The following PGAP2 variants were observed in gnomAD, a reference collection of about 807,000 sequenced individuals.
The protein encoded by PGAP2 is acyltransferase PGAP2.
PGAP2 carries 21 observed loss-of-function variants against 33.2 expected under a neutral mutation model. The ratio of observed to expected loss-of-function variants is 0.63; its 90% CI spans 0.45 to 0.91. The LOEUF (loss-of-function observed/expected upper bound fraction) is 0.91. Among genes scored for constraint, PGAP2 ranks in the 40% least tolerant of loss-of-function variants. The pLI is 0.00. For synonymous variants in PGAP2, 161 were observed against 172.9 expected (o/e 0.93, Z 0.54); for missense variants, 345 against 424.0 (o/e 0.81, Z 1.64).
intron 1 of PGAP2, among the ~76,000 whole-genome samples, chr11:3,801,425 A>G (rs12576671): frequency 0.66 from 98,432 of 148,428 alleles, 33,400 homozygotes; most frequent in East Asian, 0.81. Flanking sequence ...GGCGGATCAC[A>G]AGGTCAGGAG....
intron 3 of PGAP2, among the ~76,000 whole-genome samples, chr11:3,823,332 A>G (rs370717268): frequency 6.6e-6 from 1 of 151,964 alleles, no homozygotes; most frequent in East Asian, 1.9e-4. Context: ...CATCGTGCCC[A>G]GCCCACCCAC....
chr11:3,801,669 G>C (rs1041454682), intron 1 of PGAP2, among the ~76,000 whole-genome samples: 30 of 113,656 alleles, frequency 2.6e-4, no homozygotes, highest in African/African-American at 8.6e-4. Flanking sequence ...AAGTTTCCGG[G>C]CACGGGGGCT....
chr11:3,805,992 T>C (rs1240269995), upstream of PGAP2, among the ~76,000 whole-genome samples: 2 of 151,952 alleles, frequency 1.3e-5, no homozygotes, highest in African/African-American at 4.8e-5. Flanking sequence ...CGCGAGACCT[T>C]GTTTTAAATA....
intron 3 of PGAP2, among the ~76,000 whole-genome samples, chr11:3,821,751 C>A (rs1367437055): frequency 8.8e-5 from 13 of 147,488 alleles, no homozygotes; most frequent in Admixed American, 7.4e-4. Context: ...CAGCGAGACT[C>A]CATCTCAAAA....
At chr11:3,810,892 T>G (rs923580332) in intron 1 of PGAP2, among the ~76,000 whole-genome samples, 4 of 152,156 alleles carry the variant, frequency 2.6e-5, no homozygotes, top group African/African-American at 9.7e-5. Flanking sequence ...CTGGTAGGTT[T>G]TAGGGTTGGT....
At chr11:3,802,507 G>A (rs1219304763) in intron 1 of PGAP2, among the ~76,000 whole-genome samples, 1 of 152,184 alleles carries the variant, frequency 6.6e-6, no homozygotes, top group Non-Finnish European at 1.5e-5. Context: ...CAAGAGCCCA[G>A]AGATGTCCAC....
At position 3,797,917 on chromosome 11, in the gene PGAP2, T is replaced by G. The variant is rs765592826; in HGVS notation, c.74T>G (p.Leu25Arg). 7.8e-6 allele frequency: 12 copies of G among 1,547,878 alleles called. No homozygotes were observed. The South Asian group carries it at 9.5e-5, about 12-fold the overall frequency. Residue 25 changes from leucine (L) to arginine (R), a missense_variant, in exon 1 of 7, where the codon CTT becomes CGT. Transcript: ENST00000300730. ...CAACATAGAGACTCCGCCCCCTTCC[T>G]TGGAGCGCCGCGACTCGGGCTGAGG...
rs77367457 is a variant in PGAP2 at position 3,825,883 on chromosome 11, G to T, written c.*425G>T. 6.1e-5 allele frequency: 11 copies of T among 179,226 alleles called. No individual in the cohort carries two copies. The East Asian group carries it at 1.5e-3, about 25-fold the overall frequency. The allele number at this position is 179,226 out of a possible 1,614,324, so 11.1% of individuals were successfully genotyped here. On this transcript the variant is annotated 3_prime_UTR_variant, in exon 7 of 7. Transcript: ENST00000278243. ...CATTCATAGGACTAATGTATTTCATGATCTACTGTGCACATCCAGGCCTGT... is the reference window on the plus strand; with the variant it reads ...CATTCATAGGACTAATGTATTTCATTATCTACTGTGCACATCCAGGCCTGT...
At chr11:3,814,798 TTCTTTCTTTCTTTC>T (rs1448623254) in intron 2 of PGAP2, among the ~76,000 whole-genome samples, 5 of 114,456 alleles carry the variant, frequency 4.4e-5, no homozygotes, top group African/African-American at 8.2e-5. Flanking sequence ...CTTTCTTTCT[TTCTTTCTTTCTTTC>T]TCTTTCTTTC....
chr11:3,805,165 C>G (rs540753309), upstream of PGAP2, among the ~76,000 whole-genome samples: 21 of 152,024 alleles, frequency 1.4e-4, 1 homozygote, highest in South Asian at 4.4e-3. Context: ...GCTGACATGT[C>G]TAATCATAAT....
Position 3,817,453 on chromosome 11 carries a change from C to T in PGAP2, c.266C>T (p.Thr89Ile). 1 of 1,614,188 alleles carries T rather than the reference C, an allele frequency of 6.2e-7. No homozygotes were observed. The highest frequency in any genetic ancestry group is 8.5e-7 in the Non-Finnish European group (1 of 1,180,018). The part of the protein sequence containing the change: ...RFTAMVWWAI[T>I]FPVFGFFFCI... ...ACAGCCATGGTCTGGTGGGCCATCA[C>T]TTTTCCTGTGTTCGGCTTCTTCTTC... The change falls in exon 3 of 7, where the codon ACT (threonine) becomes ATT (isoleucine). Residue 89 changes from threonine (T) to isoleucine (I), a missense_variant. Around this residue, in one of 2 missense-constraint regions of PGAP2, gnomAD observed 311 missense variants for 353.6 expected, o/e 0.88. Coordinates refer to ENST00000278243, the MANE Select transcript of PGAP2 (RefSeq NM_014489.4).
chr11:3,798,285 G>T (rs576662757), intron 1 of PGAP2, among the ~76,000 whole-genome samples: 16 of 152,326 alleles, frequency 1.1e-4, no homozygotes, highest in Middle Eastern at 6.8e-3. Context: ...AATGAGGATT[G>T]TTGGAACGTC....
chr11:3,798,062 G>T (rs1191067162), intron 1 of PGAP2: 8 of 1,511,282 alleles, frequency 5.3e-6, no homozygotes, highest in East Asian at 2.6e-5. Context: ...CGCACTTCCC[G>T]CCCAGACCAC....
intron 3 of PGAP2, among the ~76,000 whole-genome samples, chr11:3,820,695 C>T (rs1002236751): frequency 6.6e-6 from 1 of 152,004 alleles, no homozygotes; most frequent in African/African-American, 2.4e-5. Flanking sequence ...CGTGTGGTGG[C>T]ACCTCTAGTC....
At chr11:3,807,175 A>G (rs979549534), upstream of PGAP2, among the ~76,000 whole-genome samples, 13 of 149,418 alleles carry the variant, frequency 8.7e-5, no homozygotes, top group Non-Finnish European at 1.8e-4. Flanking sequence ...GCCTCTACTA[A>G]AAACTACAAA....
chr11:3,801,822 G>A (rs2083493562), intron 1 of PGAP2, among the ~76,000 whole-genome samples: 1 of 151,892 alleles, frequency 6.6e-6, no homozygotes, highest in African/African-American at 2.4e-5. Context: ...GCCCACGCCT[G>A]TAATCCCAGC....
At chr11:3,803,013 A>G (rs1473042381) in intron 1 of PGAP2, among the ~76,000 whole-genome samples, 1 of 140,378 alleles carries the variant, frequency 7.1e-6, no homozygotes, top group Non-Finnish European at 1.6e-5. Flanking sequence ...TTTCTTTTGG[A>G]GACAGAGTCT....
chr11:3,806,156 G>T (rs1177230873), upstream of PGAP2, among the ~76,000 whole-genome samples: 4 of 152,034 alleles, frequency 2.6e-5, no homozygotes, highest in African/African-American at 4.8e-5. Context: ...GGCAGGGAGA[G>T]GGGACCCAGC....
chr11:3,817,235 C>A, intron 2 of PGAP2, 118 bp from the exon 3 acceptor site: 1 of 768,822 alleles, frequency 1.3e-6, no homozygotes. Flanking sequence ...TATGCCTTTT[C>A]TACCCTTTCT....
Sources: allele counts gnomAD v4.1 joint callset (sites outside exome capture counted in the v4.1 genomes callset), GRCh38; gene constraint gnomAD v4.1.1; regional missense constraint gnomAD v4.1.1; transcripts MANE v1.5; gene names NCBI Gene and HGNC (gene_info 2026-07-23, HGNC 2026-07-21).